HS3ST2: variants seen among roughly 807,000 people sequenced by gnomAD.
HS3ST2 encodes heparan sulfate glucosamine 3-O-sulfotransferase 2.
A neutral mutation model predicts 26.3 loss-of-function variants in HS3ST2; 17 were observed. That is an observed-to-expected ratio of 0.65 (90% CI 0.44 to 0.97). HS3ST2 has a LOEUF of 0.97. Ranked by LOEUF, HS3ST2 falls within the 50% of genes least tolerant of loss-of-function variation. The pLI is 0.00. For synonymous variants in HS3ST2, 237 were observed against 219.2 expected, an observed-to-expected ratio of 1.08 and a Z score of -0.72; for missense variants, 402 against 501.2, an observed-to-expected ratio of 0.80 and a Z score of 1.89.
chr16:22,822,787 A>G (rs550141654), intron 1 of HS3ST2, among the ~76,000 whole-genome samples: 39 of 151,744 alleles, frequency 2.6e-4, no homozygotes, highest in Non-Finnish European at 4.6e-4. Flanking sequence ...CCTGGGAGGC[A>G]GGGGTTGCAG....
intron 1 of HS3ST2, among the ~76,000 whole-genome samples, chr16:22,819,258 G>A (rs1483156074): frequency 1.3e-5 from 2 of 150,022 alleles, no homozygotes; most frequent in African/African-American, 4.9e-5. Flanking sequence ...ATATCTGGGT[G>A]TCAGTCTGCT....
intron 1 of HS3ST2, among the ~76,000 whole-genome samples, chr16:22,823,349 A>G (rs1383226068): frequency 2.6e-5 from 4 of 152,182 alleles, no homozygotes; most frequent in African/African-American, 7.2e-5. Flanking sequence ...AATCAGAAGG[A>G]ATGAAGGTAA....
At chr16:22,897,457 C>T (rs1415171625) in intron 1 of HS3ST2, among the ~76,000 whole-genome samples, 1 of 152,080 alleles carries the variant, frequency 6.6e-6, no homozygotes, top group African/African-American at 2.4e-5. Flanking sequence ...TCAGAGGCTC[C>T]CAAACTTTAG....
chr16:22,895,829 T>C (rs964126346), intron 1 of HS3ST2, among the ~76,000 whole-genome samples: 5 of 152,182 alleles, frequency 3.3e-5, no homozygotes, highest in East Asian at 1.9e-4. Flanking sequence ...GTTCATTTTA[T>C]AGTTTTCTAA....
chr16:22,860,317 G>A lies in HS3ST2; in HGVS notation c.485+45222G>A, dbSNP rs140129549. Among the ~76,000 whole-genome samples the A allele has an allele frequency of 7.8e-4, 118 of 152,180 alleles. 2 individuals are homozygous for A. Among genetic ancestry groups the A allele is most frequent in the African/African-American group, 2.2e-3 (93 of 41,524 alleles). ...CCCCTTTATAAAACCATCAGATCTC[G>A]TGAGACTTATTCACTATCACGAGAA... On this transcript the variant is annotated intron_variant, in intron 1 of 1. Transcript: ENST00000261374.
intron 1 of HS3ST2, among the ~76,000 whole-genome samples, chr16:22,838,783 T>C (rs764246020): frequency 1.3e-5 from 2 of 152,214 alleles, no homozygotes; most frequent in Non-Finnish European, 2.9e-5. Flanking sequence ...GGGTGGATCA[T>C]CCAGTGTCTG....
chr16:22,911,952 T>A (rs892870922), intron 1 of HS3ST2, among the ~76,000 whole-genome samples: 3 of 152,120 alleles, frequency 2.0e-5, no homozygotes, highest in African/African-American at 7.2e-5. Context: ...TGAAACCCTG[T>A]CTCTACAAAA....
chr16:22,886,331 G>A (rs972365584), intron 1 of HS3ST2, among the ~76,000 whole-genome samples: 1 of 152,174 alleles, frequency 6.6e-6, no homozygotes, highest in Admixed American at 6.5e-5. Flanking sequence ...ACTTGGGGAG[G>A]TGGTGATGTA....
intron 1 of HS3ST2, among the ~76,000 whole-genome samples, chr16:22,894,586 A>T (rs879368907): frequency 6.6e-6 from 1 of 151,958 alleles, no homozygotes; most frequent in South Asian, 2.1e-4. Flanking sequence ...CTCTTTCCTA[A>T]GTCCAATGCC....
At chr16:22,865,699 C>A (rs1272437753) in intron 1 of HS3ST2, among the ~76,000 whole-genome samples, 1 of 152,078 alleles carries the variant, frequency 6.6e-6, no homozygotes, top group Non-Finnish European at 1.5e-5. Context: ...AACTGGATTA[C>A]TCTGACAACA....
chr16:22,858,646 C>T (rs1453214616), intron 1 of HS3ST2, among the ~76,000 whole-genome samples: 1 of 151,994 alleles, frequency 6.6e-6, no homozygotes, highest in Non-Finnish European at 1.5e-5. Context: ...TAGAAAAAGA[C>T]AAACTTGCAG....
intron 1 of HS3ST2, among the ~76,000 whole-genome samples, chr16:22,894,920 C>T (rs1902186991): frequency 6.6e-6 from 1 of 152,164 alleles, no homozygotes; most frequent in Non-Finnish European, 1.5e-5. Context: ...TTCACCATTT[C>T]TCTTTGACAT....
chr16:22,844,423 A>G (rs973784204), intron 1 of HS3ST2, among the ~76,000 whole-genome samples: 2 of 152,106 alleles, frequency 1.3e-5, no homozygotes, highest in African/African-American at 4.8e-5. Context: ...GGCAACCTTT[A>G]TAAGATTCCC....
In HS3ST2 at chr16:22,906,944, A is replaced by T. The variant is rs181009091; in HGVS notation, c.486-8000A>T. Among the ~76,000 whole-genome samples the T allele has an allele frequency of 2.0e-3, 310 of 152,306 alleles. 3 individuals are homozygous for T. Among genetic ancestry groups the T allele is most frequent in the Admixed American group, 2.9e-3 (44 of 15,290 alleles). ...GTGCAAGTTGCTGAGGATCTGTGGTATAAATGGATGCATAACTAACAATTC... is the reference window on the plus strand; with the variant it reads ...GTGCAAGTTGCTGAGGATCTGTGGTTTAAATGGATGCATAACTAACAATTC... On this transcript the variant is annotated intron_variant, in intron 1 of 1. Transcript: ENST00000261374.
In HS3ST2 at chr16:22,856,548, C is replaced by T. The variant is rs551682636; in HGVS notation, c.485+41453C>T. 3.1e-3 allele frequency among the ~76,000 whole-genome samples: 473 copies of T among 152,264 alleles called. 3 individuals carry two copies. Among genetic ancestry groups the T allele is most frequent in the African/African-American group, 0.011 (447 of 41,554 alleles). ...TCTTCTGTCTTGCTCCCATGCTTAT[C>T]CCCAAAACACATAACCTCCACTAAG... On this transcript the variant is annotated intron_variant, in intron 1 of 1. Coordinates refer to ENST00000261374, the MANE Select transcript of HS3ST2 (RefSeq NM_006043.2).
chr16:22,826,592 A>G (rs1248961776), intron 1 of HS3ST2, among the ~76,000 whole-genome samples: 1 of 152,212 alleles, frequency 6.6e-6, no homozygotes, highest in African/African-American at 2.4e-5. Flanking sequence ...CTTGTCTATC[A>G]TATTCATGAC....
At chr16:22,881,622 C>G (rs1257636991) in intron 1 of HS3ST2, among the ~76,000 whole-genome samples, 1 of 152,198 alleles carries the variant, frequency 6.6e-6, no homozygotes, top group Non-Finnish European at 1.5e-5. Flanking sequence ...GAAGATGACT[C>G]TCACGACAGA....
intron 1 of HS3ST2, among the ~76,000 whole-genome samples, chr16:22,825,917 G>A (rs774095631): frequency 5.9e-5 from 9 of 152,284 alleles, no homozygotes; most frequent in Non-Finnish European, 1.0e-4. Context: ...CAGCTACTTG[G>A]GAGGCTGAGG....
At chr16:22,913,520 G>A (rs560924328) in intron 1 of HS3ST2, among the ~76,000 whole-genome samples, 18 of 152,144 alleles carry the variant, frequency 1.2e-4, no homozygotes, top group African/African-American at 2.7e-4. Flanking sequence ...AGCAGAAGAC[G>A]TCAGAACTCA....
Sources: gnomAD v4.1 joint callset for allele counts (sites outside exome capture counted in the v4.1 genomes callset) on GRCh38, gnomAD v4.1.1 for gene constraint, MANE v1.5 for transcripts, NCBI Gene and HGNC (gene_info 2026-07-23, HGNC 2026-07-21) for gene names.